AGAP1: variants seen among roughly 807,000 people sequenced by gnomAD.
AGAP1 encodes the protein arf-GAP with GTPase, ANK repeat and PH domain-containing protein 1.
In AGAP1, 29 loss-of-function variants were observed where a neutral mutation model predicts 105.3. That is an observed-to-expected ratio of 0.28 (90% confidence interval 0.21 to 0.38). The LOEUF (loss-of-function observed/expected upper bound fraction) is 0.38, where lower values mean the gene tolerates loss of function less well. AGAP1 is among the 10% of genes least tolerant of loss of function. The pLI is 1.00. For missense variants in AGAP1, 998 were observed against 1,165.1 expected (o/e 0.86, Z 2.09); for synonymous variants, 509 against 485.9 (o/e 1.05, Z -0.63).
At chr2:235,807,007 G>A (rs958717333) in intron 8 of AGAP1, among the ~76,000 whole-genome samples, 22 of 152,284 alleles carry the variant, frequency 1.4e-4, no homozygotes, top group Non-Finnish European at 2.8e-4. Context: ...AGAATTAAAA[G>A]ATAATTCTGT....
intron 1 of AGAP1, among the ~76,000 whole-genome samples, chr2:235,605,121 G>A (rs181027984): frequency 0.014 from 2,171 of 152,172 alleles, 44 homozygotes; most frequent in African/African-American, 0.05. Context: ...CAAGCGATCC[G>A]CCTGCCTCTG....
At chr2:235,997,574 C>G (rs942766550) in intron 13 of AGAP1, among the ~76,000 whole-genome samples, 3 of 152,230 alleles carry the variant, frequency 2.0e-5, no homozygotes, top group Admixed American at 6.5e-5. Context: ...TCTACACTGA[C>G]TGTGTGGTAA....
rs574943375 is a variant in AGAP1, at chr2:235,552,296, C to T, written c.163+57447C>T. ...AGAGAGACATTGGTGCCAAGAAATC[C>T]TATCGGGGACATTTAATAACTGGAA... On this transcript the variant is annotated intron_variant, in intron 1 of 17. Coordinates refer to ENST00000304032, the MANE Select transcript of AGAP1 (RefSeq NM_001037131.3). The surrounding 1 kb of genome is among the most constrained non-coding windows in gnomAD (Gnocchi z 5.9). 6.6e-6 allele frequency among the ~76,000 whole-genome samples: 1 copy of T among 152,306 alleles called. No homozygotes were observed. The highest frequency in any genetic ancestry group is 1.9e-4 in the East Asian group (1 of 5,188).
chr2:235,723,965 C>T lies in AGAP1; in HGVS notation c.310+6321C>T, dbSNP rs1271274601. 6.6e-5 allele frequency among the ~76,000 whole-genome samples: 10 copies of T among 152,290 alleles called. No homozygotes were observed. The highest frequency in any genetic ancestry group is 1.4e-4 in the African/African-American group (6 of 41,548). On this transcript the variant is annotated intron_variant, in intron 3 of 17. Transcript: ENST00000304032. The surrounding 1 kb of genome is among the most constrained non-coding windows in gnomAD (Gnocchi z 6.2). The stretch of plus-strand genomic sequence containing the variant: ...AAAAGGAGGGCCGGGGCCTGCCTGC[C>T]ACTGAGGCCCAGCGGCTGCCTGCGA...
At chr2:235,593,309 T>C (rs1945413783) in intron 1 of AGAP1, among the ~76,000 whole-genome samples, 1 of 152,214 alleles carries the variant, frequency 6.6e-6, no homozygotes. Context: ...GACCCGAGAC[T>C]GAGCTTAGGA....
chr2:235,688,614 G>A (rs982264567), intron 1 of AGAP1, among the ~76,000 whole-genome samples: 3 of 152,172 alleles, frequency 2.0e-5, no homozygotes, highest in African/African-American at 7.2e-5. Context: ...GTTATAGGTG[G>A]GTGGGAAGTG....
rs999311363 is a variant in AGAP1 at position 235,842,971 on chromosome 2, C to T, written c.1050+35640C>T. ...TGAACTCCTGACCTCAGGTGATCGG[C>T]CCGCCTCGGCCTCCCAAAGTGCTGG... On this transcript the variant is annotated intron_variant, in intron 9 of 17. Transcript: ENST00000304032. This position sits in a 1 kb window ranked among gnomAD's most constrained non-coding sequence, Gnocchi z 5.3. Among the ~76,000 whole-genome samples the T allele has an allele frequency of 3.3e-5, 5 of 152,240 alleles. No individual in the cohort carries two copies. Among genetic ancestry groups the T allele is most frequent in the African/African-American group, 1.2e-4 (5 of 41,458 alleles).
Position 235,789,630 on chromosome 2 carries a change from A to T in AGAP1, c.674-8129A>T, listed in dbSNP as rs116722467. Among the ~76,000 whole-genome samples, 341 of 152,318 alleles carry T rather than the reference A, an allele frequency of 2.2e-3. 1 individual carries two copies. Among genetic ancestry groups the T allele is most frequent in the African/African-American group, 7.9e-3 (330 of 41,578 alleles). On this transcript the variant is annotated intron_variant, in intron 6 of 17. Coordinates refer to ENST00000304032, the MANE Select transcript of AGAP1 (RefSeq NM_001037131.3). The surrounding 1 kb of genome is among the most constrained non-coding windows in gnomAD (Gnocchi z 4.2). ...ATTAGAGGGTTGTTTGCTCAAAAAA[A>T]AAATACATATATATAGTCATATTTT... is the stretch of plus-strand genomic sequence containing the variant.
chr2:235,590,245 C>T (rs1485791551), intron 1 of AGAP1, among the ~76,000 whole-genome samples: 3 of 152,186 alleles, frequency 2.0e-5, no homozygotes, highest in African/African-American at 7.2e-5. Flanking sequence ...TTAAAAGCTC[C>T]AGCTTCAAAA....
chr2:235,834,045 G>T (rs2106356641), intron 9 of AGAP1, among the ~76,000 whole-genome samples: 1 of 151,246 alleles, frequency 6.6e-6, no homozygotes, highest in South Asian at 2.1e-4. Flanking sequence ...CCCCCTCCAT[G>T]TAGGCCAGTC....
chr2:235,777,589 G>C lies in AGAP1; in HGVS notation c.674-20170G>C, dbSNP rs1955977288. Among the ~76,000 whole-genome samples the C allele has an allele frequency of 6.6e-6, 1 of 152,196 alleles. No individual in the cohort carries two copies. The highest frequency in any genetic ancestry group is 1.5e-5 in the Non-Finnish European group (1 of 68,038). On this transcript the variant is annotated intron_variant, in intron 6 of 17. Transcript: ENST00000304032. This position sits in a 1 kb window ranked among gnomAD's most constrained non-coding sequence, Gnocchi z 5.1. The stretch of plus-strand genomic sequence containing the variant: ...TTGCCATAGAGGACGAGTCACAGCT[G>C]TCTCACCTGCACCCCTCCAATCGCC...
At chr2:235,619,595 G>A (rs1946412344) in intron 1 of AGAP1, among the ~76,000 whole-genome samples, 2 of 152,172 alleles carry the variant, frequency 1.3e-5, no homozygotes, top group Non-Finnish European at 2.9e-5. Flanking sequence ...AGGATCTAGA[G>A]TGCAGTCTCT....
At chr2:235,914,882 C>G (rs1005350541) in intron 11 of AGAP1, among the ~76,000 whole-genome samples, 10 of 152,178 alleles carry the variant, frequency 6.6e-5, no homozygotes, top group African/African-American at 2.4e-4. Flanking sequence ...GAGCATGCAT[C>G]GGAACAGGCA....
rs1005191726 is a variant in AGAP1 at position 235,639,884 on chromosome 2, G to A, written c.164-69295G>A. Among the ~76,000 whole-genome samples the A allele has an allele frequency of 4.8e-4, 73 of 152,188 alleles. No individual in the cohort carries two copies. Among genetic ancestry groups the A allele is most frequent in the African/African-American group, 1.7e-3 (71 of 41,446 alleles). ...GGTCCACGGATTGATAGAGTCAGCAGGGATGGACAGTTTCCCCTTCAGCAC... is the reference window on the plus strand; with the variant it reads ...GGTCCACGGATTGATAGAGTCAGCAAGGATGGACAGTTTCCCCTTCAGCAC... On this transcript the variant is annotated intron_variant, in intron 1 of 17. Coordinates refer to ENST00000304032, the MANE Select transcript of AGAP1 (RefSeq NM_001037131.3). This position sits in a 1 kb window ranked among gnomAD's most constrained non-coding sequence, Gnocchi z 5.3.
chr2:236,115,029 CT>C (rs1272273564), intron 16 of AGAP1, among the ~76,000 whole-genome samples: 1 of 152,196 alleles, frequency 6.6e-6, no homozygotes, highest in African/African-American at 2.4e-5. Flanking sequence ...AGCATCCCCC[CT>C]ACCATGCTGA....
Position 235,514,768 on chromosome 2 carries a change from G to A in AGAP1, c.163+19919G>A, listed in dbSNP as rs141434761. On this transcript the variant is annotated intron_variant, in intron 1 of 17. Coordinates refer to ENST00000304032, the MANE Select transcript of AGAP1 (RefSeq NM_001037131.3). The stretch of plus-strand genomic sequence containing the variant: ...TCAAGGTGCTCAGGAACCAAACCCC[G>A]GTGTCTCATCCAGGACTGGACACGT... Among the ~76,000 whole-genome samples, 14 of 152,344 alleles carry A rather than the reference G, an allele frequency of 9.2e-5. No individual in the cohort carries two copies. The East Asian group carries it at 2.5e-3, about 27-fold the overall frequency.
chr2:235,519,358 C>G (rs1442023555), intron 1 of AGAP1, among the ~76,000 whole-genome samples: 1 of 152,046 alleles, frequency 6.6e-6, no homozygotes, highest in Non-Finnish European at 1.5e-5. Context: ...CAGTCATGAG[C>G]CACCGCACAT....
rs2058182078 is a variant in AGAP1, at chr2:236,061,092, G to A, written c.2114+11811G>A. ...ATAAAATAAGTAAAAAATAAAAATG[G>A]GCTAAGACTCTAAATAGACATTTCT... On this transcript the variant is annotated intron_variant, in intron 16 of 17. Coordinates refer to ENST00000304032, the MANE Select transcript of AGAP1 (RefSeq NM_001037131.3). The surrounding 1 kb of genome is among the most constrained non-coding windows in gnomAD (Gnocchi z 4.1). 6.6e-6 allele frequency among the ~76,000 whole-genome samples: 1 copy of A among 152,066 alleles called. No homozygotes were observed. The highest frequency in any genetic ancestry group is 6.5e-5 in the Admixed American group (1 of 15,270).
chr2:235,591,140 C>T (rs554422126), intron 1 of AGAP1, among the ~76,000 whole-genome samples: 3 of 152,202 alleles, frequency 2.0e-5, no homozygotes, highest in Non-Finnish European at 4.4e-5. Flanking sequence ...CTCAGCCTCC[C>T]GAGTAGCTGG....
Sources: gnomAD v4.1 joint callset for allele counts (sites outside exome capture counted in the v4.1 genomes callset) on GRCh38, gnomAD v4.1.1 for gene constraint, Gnocchi (gnomAD v3.1) non-coding constraint, MANE v1.5 for transcripts, NCBI Gene and HGNC (gene_info 2026-07-23, HGNC 2026-07-21) for gene names.